CPA6: variants seen among roughly 807,000 people sequenced by gnomAD.
CPA6 encodes the protein carboxypeptidase A6.
In CPA6, 58 loss-of-function variants were observed where a neutral mutation model predicts 63.3. The ratio of observed to expected loss-of-function variants is 0.92; its 90% confidence interval spans 0.74 to 1.14. The LOEUF is 1.14. CPA6 is among the 50% of genes most tolerant of loss of function. The pLI is 0.00. For synonymous variants in CPA6, 185 were observed against 179.0 expected (o/e 1.03, Z -0.27); for missense variants, 565 against 526.6 (o/e 1.07, Z -0.71).
chr8:67,687,671 GGTTTCGGGGTCAGC>G (rs945483908), intron 1 of CPA6, among the ~76,000 whole-genome samples: 7 of 152,050 alleles, frequency 4.6e-5, no homozygotes, highest in Non-Finnish European at 7.4e-5. Context: ...CATCACGGTG[GGTTTCGGGGTCAGC>G]GATTCAGTTT....
chr8:67,423,365 G>A (rs1333789594), intron 10 of CPA6, among the ~76,000 whole-genome samples: 3 of 152,208 alleles, frequency 2.0e-5, no homozygotes, highest in African/African-American at 7.2e-5. Flanking sequence ...GATTACAGGC[G>A]TGAGCCACTG....
At chr8:67,742,290 C>G (rs1817927922) in intron 1 of CPA6, among the ~76,000 whole-genome samples, 1 of 152,116 alleles carries the variant, frequency 6.6e-6, no homozygotes, top group African/African-American at 2.4e-5. Context: ...CCAATTTTAC[C>G]TATATAATCT....
intron 2 of CPA6, among the ~76,000 whole-genome samples, chr8:67,605,925 A>G (rs1054866117): frequency 1.3e-5 from 2 of 151,996 alleles, no homozygotes; most frequent in Non-Finnish European, 2.9e-5. Context: ...GCCTTGGACC[A>G]TAGGGGGAAC....
Position 67,669,793 on chromosome 8 carries a change from GA to G in CPA6, c.117-45543del, listed in dbSNP as rs546856388. On this transcript the variant is annotated intron_variant, in intron 1 of 10. Transcript: ENST00000297770. ...AAGGAAATATGAAAAATTATCTAAA[GA>G]CAAAAAAAAAAACAACCCCAAAAAA... Among the ~76,000 whole-genome samples, 299 of 131,368 alleles carry G rather than the reference GA, an allele frequency of 2.3e-3. 2 individuals carry two copies. The highest frequency in any genetic ancestry group is 0.011 in the African/African-American group (287 of 26,316). 86.2% of individuals were successfully genotyped at this position (131,368 alleles called of 152,430 possible). A position where few individuals can be genotyped will look rare whatever the true frequency, so the allele number is the denominator to read the frequency against.
Position 67,457,532 on chromosome 8 carries a change from C to A in CPA6, c.839-23292G>T, listed in dbSNP as rs139968326. ...GTTCCATCATTCTACCTTTCCAGTG[C>A]CTTCTTCTTTCCATCCTCTCTGCCT... On this transcript the variant is annotated intron_variant, in intron 8 of 10. Coordinates refer to ENST00000297770, the MANE Select transcript of CPA6 (RefSeq NM_020361.5). 9.1e-3 allele frequency among the ~76,000 whole-genome samples: 1,382 copies of A among 152,216 alleles called. 10 individuals carry two copies. Among genetic ancestry groups the A allele is most frequent in the Non-Finnish European group, 0.016 (1,059 of 68,012 alleles).
At chr8:67,531,809 C>G (rs766754925) in intron 2 of CPA6, among the ~76,000 whole-genome samples, 5 of 152,076 alleles carry the variant, frequency 3.3e-5, no homozygotes, top group Non-Finnish European at 7.4e-5. Context: ...TGACCCAATA[C>G]GAGGTTACAA....
At chr8:67,502,116 A>T (rs961975985) in intron 6 of CPA6, among the ~76,000 whole-genome samples, 2 of 152,064 alleles carry the variant, frequency 1.3e-5, no homozygotes, top group African/African-American at 4.8e-5. Flanking sequence ...GGTAATTTGC[A>T]TCTTCTTATT....
chr8:67,567,594 T>C (rs1214862366), intron 2 of CPA6, among the ~76,000 whole-genome samples: 1 of 152,168 alleles, frequency 6.6e-6, no homozygotes, highest in Admixed American at 6.5e-5. Flanking sequence ...GAACTATTCA[T>C]AGACAAAAAC....
intron 1 of CPA6, among the ~76,000 whole-genome samples, chr8:67,706,178 A>T (rs1265625560): frequency 6.6e-5 from 10 of 152,208 alleles, no homozygotes; most frequent in Admixed American, 6.5e-4. Context: ...CTTCATAAAC[A>T]ACTACTATGA....
chr8:67,518,325 G>T (rs1282635455), intron 2 of CPA6, among the ~76,000 whole-genome samples: 1 of 151,852 alleles, frequency 6.6e-6, no homozygotes, highest in African/African-American at 2.4e-5. Flanking sequence ...ATAGTTTTAG[G>T]TATAATTTTG....
chr8:67,732,276 T>C (rs1817720457), intron 1 of CPA6, among the ~76,000 whole-genome samples: 1 of 152,094 alleles, frequency 6.6e-6, no homozygotes, highest in Non-Finnish European at 1.5e-5. Flanking sequence ...TAAGGGCAAA[T>C]GGTTCCTGTT....
intron 1 of CPA6, among the ~76,000 whole-genome samples, chr8:67,703,688 A>G (rs1817073518): frequency 6.6e-6 from 1 of 152,140 alleles, no homozygotes; most frequent in African/African-American, 2.4e-5. Context: ...CCTGAGATTT[A>G]TACTTGTTTT....
chr8:67,741,237 G>A lies in CPA6; in HGVS notation c.116+4777C>T, dbSNP rs117461109. ...AGACCCAGTACAAGTAGATTAATAC[G>A]AGCATATTACTTGGTTCCAGTCCCA... On this transcript the variant is annotated intron_variant, in intron 1 of 10. Transcript: ENST00000297770. Among the ~76,000 whole-genome samples, 29 of 152,268 alleles carry A rather than the reference G, an allele frequency of 1.9e-4. No homozygotes were observed. The East Asian group carries it at 5.2e-3, about 27-fold the overall frequency.
At chr8:67,703,369 G>A (rs1817065388) in intron 1 of CPA6, among the ~76,000 whole-genome samples, 1 of 152,186 alleles carries the variant, frequency 6.6e-6, no homozygotes, top group South Asian at 2.1e-4. Context: ...CAGGAGGCCA[G>A]CAAGAGTGGT....
At chr8:67,723,496 G>A (rs1817540877) in intron 1 of CPA6, among the ~76,000 whole-genome samples, 1 of 152,114 alleles carries the variant, frequency 6.6e-6, no homozygotes, top group Non-Finnish European at 1.5e-5. Flanking sequence ...AGATTCAGCT[G>A]ATTACTTTCC....
rs1318041540 is a variant in CPA6 at position 67,600,841 on chromosome 8, CAAGAG to C, written c.192+23330_192+23334del. ...CTCATTTTGTAAGAACAAAGGTTCA[CAAGAG>C]AAGGTTATGAATACTTTTTCATAAA... On this transcript the variant is annotated intron_variant, in intron 2 of 10. Transcript: ENST00000297770. 9.9e-5 allele frequency among the ~76,000 whole-genome samples: 15 copies of C among 152,100 alleles called. 1 individual carries two copies. Among genetic ancestry groups the C allele is most frequent in the Admixed American group, 9.8e-4 (15 of 15,278 alleles).
chr8:67,562,777 T>C (rs972572665), intron 2 of CPA6, among the ~76,000 whole-genome samples: 13 of 152,184 alleles, frequency 8.5e-5, no homozygotes, highest in African/African-American at 3.1e-4. Context: ...CCTCACTCAA[T>C]AGATGTTGAA....
intron 1 of CPA6, among the ~76,000 whole-genome samples, chr8:67,698,285 A>G (rs1816949755): frequency 6.6e-6 from 1 of 152,206 alleles, no homozygotes; most frequent in East Asian, 1.9e-4. Context: ...CTCTCACACC[A>G]GAAATGATGA....
chr8:67,740,930 G>C (rs1002617604), intron 1 of CPA6, among the ~76,000 whole-genome samples: 4 of 152,106 alleles, frequency 2.6e-5, no homozygotes. Context: ...GTCATATCCT[G>C]TTTCCATGGA....
Sources: gnomAD v4.1 joint callset for allele counts (sites outside exome capture counted in the v4.1 genomes callset) on GRCh38, gnomAD v4.1.1 for gene constraint, MANE v1.5 for transcripts, NCBI Gene and HGNC (gene_info 2026-07-23, HGNC 2026-07-21) for gene names.